Variants in DLG2 observed in about 807,000 individuals in gnomAD.
The protein encoded by DLG2 is disks large homolog 2.
In DLG2, 45 loss-of-function variants were observed where a neutral mutation model predicts 132.5. That is an observed-to-expected ratio of 0.34 (90% confidence interval 0.27 to 0.44). The LOEUF (loss-of-function observed/expected upper bound fraction) is 0.44, where lower values mean the gene tolerates loss of function less well. Ranked by LOEUF, DLG2 falls within the 20% of genes least tolerant of loss-of-function variation. The pLI, the probability that DLG2 is intolerant of heterozygous loss-of-function variation, is 1.00. For synonymous variants in DLG2, 424 were observed against 419.6 expected, an observed-to-expected ratio of 1.01 and a Z score of -0.13; for missense variants, 1,045 against 1,196.9, an observed-to-expected ratio of 0.87 and a Z score of 1.87.
At chr11:85,483,123 A>G (rs1339500547) in intron 3 of DLG2, among the ~76,000 whole-genome samples, 1 of 152,196 alleles carries the variant, frequency 6.6e-6, no homozygotes, top group Non-Finnish European at 1.5e-5. Flanking sequence ...CCCAAACAAG[A>G]CTACAAAATG....
chr11:84,935,796 T>G (rs1391601996), intron 6 of DLG2, among the ~76,000 whole-genome samples: 1 of 152,188 alleles, frequency 6.6e-6, no homozygotes, highest in Non-Finnish European at 1.5e-5. Context: ...AAGCTTTCCC[T>G]TCTACCTGTA....
At chr11:85,059,674 T>C (rs2063825400) in intron 6 of DLG2, among the ~76,000 whole-genome samples, 1 of 151,622 alleles carries the variant, frequency 6.6e-6, no homozygotes, top group Non-Finnish European at 1.5e-5. Context: ...GGAAAAATAG[T>C]CTACGATTCT....
intron 6 of DLG2, among the ~76,000 whole-genome samples, chr11:84,625,847 T>G (rs2099621636): frequency 6.6e-6 from 1 of 152,238 alleles, no homozygotes; most frequent in Non-Finnish European, 1.5e-5. Flanking sequence ...TCATTTAGAT[T>G]ATAAGAGAAT....
intron 18 of DLG2, among the ~76,000 whole-genome samples, chr11:83,673,641 C>T (rs749980454): frequency 1.3e-5 from 2 of 152,184 alleles, no homozygotes; most frequent in Non-Finnish European, 2.9e-5. Flanking sequence ...GATACATCTT[C>T]ATATTCACCA....
intron 6 of DLG2, among the ~76,000 whole-genome samples, chr11:85,002,361 A>G (rs1566620149): frequency 6.6e-6 from 1 of 152,164 alleles, no homozygotes; most frequent in Non-Finnish European, 1.5e-5. Flanking sequence ...TTTAGAAGAA[A>G]TGAGGAACCA....
intron 4 of DLG2, among the ~76,000 whole-genome samples, chr11:85,252,342 T>C (rs746557296): frequency 2.0e-5 from 3 of 152,030 alleles, no homozygotes; most frequent in Non-Finnish European, 4.4e-5. Flanking sequence ...TAGTTAGGAA[T>C]GGTTGGGAGG....
chr11:85,209,498 C>T lies in DLG2; in HGVS notation c.187-54847G>A, dbSNP rs537793603. On this transcript the variant is annotated intron_variant, in intron 4 of 27. Transcript: ENST00000376104. ...AGAGACTTTCTCCCTGCCCTGTCCC[C>T]AGGCCTGCAACCTCTGCCTCCCAGG... 1.4e-4 allele frequency among the ~76,000 whole-genome samples: 18 copies of T among 125,594 alleles called. No individual in the cohort carries two copies. The East Asian group carries it at 3.9e-3, about 27-fold the overall frequency. 82.4% of individuals were successfully genotyped at this position (125,594 alleles called of 152,430 possible).
chr11:85,427,165 G>C (rs112072766), intron 3 of DLG2, among the ~76,000 whole-genome samples: 1 of 152,352 alleles, frequency 6.6e-6, no homozygotes, highest in South Asian at 2.1e-4. Flanking sequence ...GTACCTGAAA[G>C]TGAAAGGGAG....
Position 84,502,174 on chromosome 11 carries a change from CTT to C in DLG2, c.519+32394_519+32395del, listed in dbSNP as rs755407154. Among the ~76,000 whole-genome samples the C allele has an allele frequency of 2.1e-3, 69 of 32,384 alleles. 13 individuals carry two copies. Among genetic ancestry groups the C allele is most frequent in the African/African-American group, 0.015 (63 of 4,070 alleles). The allele number at this position is 32,384 out of a possible 152,430, so 21.2% of individuals were successfully genotyped here. A position where few individuals can be genotyped will look rare whatever the true frequency, so the allele number is the denominator to read the frequency against. Reference sequence around the variant, plus strand: ...CCTTCCTTCCTTTCTCTCTCTCTCTCTTTCTCTCTCTTTCTCTCTCTCTCTCT... The same window carrying C: ...CCTTCCTTCCTTTCTCTCTCTCTCTCTCTCTCTCTTTCTCTCTCTCTCTCT... On this transcript the variant is annotated intron_variant, in intron 7 of 27. Transcript: ENST00000376104.
chr11:85,604,923 A>G (rs2080420773), intron 2 of DLG2, among the ~76,000 whole-genome samples: 1 of 152,188 alleles, frequency 6.6e-6, no homozygotes, highest in Non-Finnish European at 1.5e-5. Flanking sequence ...GAACTTTTAG[A>G]GAAAAGAAAA....
chr11:85,031,105 A>G (rs2060966352), intron 6 of DLG2, among the ~76,000 whole-genome samples: 2 of 151,924 alleles, frequency 1.3e-5, no homozygotes, highest in South Asian at 4.1e-4. Flanking sequence ...TTCTATTTTA[A>G]AAAGAAGTGT....
chr11:84,167,225 G>A (rs2095688942), intron 8 of DLG2, among the ~76,000 whole-genome samples: 1 of 152,126 alleles, frequency 6.6e-6, no homozygotes, highest in Non-Finnish European at 1.5e-5. Context: ...TTCTCTGGTG[G>A]CCAGAAAATC....
At chr11:85,105,421 A>G (rs1441076045) in intron 6 of DLG2, among the ~76,000 whole-genome samples, 1 of 151,948 alleles carries the variant, frequency 6.6e-6, no homozygotes, top group Non-Finnish European at 1.5e-5. Flanking sequence ...CTATTCTATC[A>G]ATCTCATCTT....
At chr11:85,130,480 C>A (rs1000202307) in intron 5 of DLG2, among the ~76,000 whole-genome samples, 2 of 152,062 alleles carry the variant, frequency 1.3e-5, no homozygotes, top group Admixed American at 1.3e-4. Flanking sequence ...ATGCTATTAC[C>A]AATGGAAATA....
At chr11:84,372,721 C>T (rs534502155) in intron 7 of DLG2, among the ~76,000 whole-genome samples, 17 of 152,234 alleles carry the variant, frequency 1.1e-4, no homozygotes, top group African/African-American at 3.4e-4. Context: ...TAGTGCATCT[C>T]GGGAATCTAT....
chr11:85,020,322 C>G (rs1187887828), intron 6 of DLG2, among the ~76,000 whole-genome samples: 2 of 151,944 alleles, frequency 1.3e-5, no homozygotes, highest in Non-Finnish European at 2.9e-5. Flanking sequence ...TTGATTTTTT[C>G]TTGTAAATTT....
At chr11:85,022,578 A>G (rs1038926293) in intron 6 of DLG2, among the ~76,000 whole-genome samples, 4 of 152,120 alleles carry the variant, frequency 2.6e-5, no homozygotes, top group Non-Finnish European at 5.9e-5. Flanking sequence ...CTAGTTATAG[A>G]TAAGTTACTC....
intron 6 of DLG2, among the ~76,000 whole-genome samples, chr11:84,950,607 A>T (rs1220023281): frequency 1.3e-5 from 2 of 152,164 alleles, no homozygotes; most frequent in East Asian, 3.9e-4. Context: ...TATAGTAGGT[A>T]TTGATTATAT....
At chr11:84,689,501 T>C (rs2057764903) in intron 6 of DLG2, among the ~76,000 whole-genome samples, 1 of 152,120 alleles carries the variant, frequency 6.6e-6, no homozygotes, top group Non-Finnish European at 1.5e-5. Flanking sequence ...TTTACTGGTG[T>C]GAAAGATAAG....
Sources: gnomAD v4.1 joint callset for allele counts (sites outside exome capture counted in the v4.1 genomes callset) on GRCh38, gnomAD v4.1.1 for gene constraint, MANE v1.5 for transcripts, NCBI Gene and HGNC (gene_info 2026-07-23, HGNC 2026-07-21) for gene names.